Variants in ZNFX1 observed in about 807,000 individuals in gnomAD.
The protein encoded by ZNFX1 is NFX1-type zinc finger-containing protein 1.
In ZNFX1, 78 loss-of-function variants were observed where a neutral mutation model predicts 179.8. The observed-to-expected ratio is 0.43, with a 90% CI of 0.36 to 0.52. ZNFX1 has a LOEUF of 0.52. Among genes scored for constraint, ZNFX1 ranks in the 20% least tolerant of loss-of-function variants. The pLI is 0.00. For synonymous variants in ZNFX1, 848 were observed against 868.5 expected (o/e 0.98, Z 0.42); for missense variants, 1,927 against 2,386.6 (o/e 0.81, Z 4.01).
chr20:49,269,775 G>A (rs1336004709), intron 3 of ZNFX1, among the ~76,000 whole-genome samples, 167 bp downstream of exon 3: 1 of 17,134 alleles, frequency 5.8e-5, no homozygotes, highest in African/African-American at 1.1e-4. Context: ...CTGCAACATG[G>A]CAATTTACAC....
At chr20:49,251,168 C>T (rs1980827938) in intron 13 of ZNFX1, among the ~76,000 whole-genome samples, 1 of 151,746 alleles carries the variant, frequency 6.6e-6, no homozygotes, top group Non-Finnish European at 1.5e-5. Context: ...CAGGGAGTCT[C>T]TCTCCGCTGC....
chr20:49,259,131 T>A lies in ZNFX1; in HGVS notation c.2416+1332A>T, dbSNP rs866101593. On this transcript the variant is annotated intron_variant, in intron 7 of 13. Coordinates refer to ENST00000396105, the MANE Select transcript of ZNFX1 (RefSeq NM_021035.3). ...TCTCAAAAAAAAATAAATAAATAAA[T>A]AAATAAATAAAATAAATACACAATA... Among the ~76,000 whole-genome samples the A allele has an allele frequency of 4.4e-3, 599 of 135,682 alleles. 3 individuals carry two copies. Among genetic ancestry groups the A allele is most frequent in the South Asian group, 0.015 (64 of 4,298 alleles). The allele number at this position is 135,682 out of a possible 152,430, so 89.0% of individuals were successfully genotyped here. A position where few individuals can be genotyped will look rare whatever the true frequency, so the allele number is the denominator to read the frequency against.
At chr20:49,277,236 G>T (rs1981592095) in intron 1 of ZNFX1, among the ~76,000 whole-genome samples, 1 of 152,130 alleles carries the variant, frequency 6.6e-6, no homozygotes, top group Non-Finnish European at 1.5e-5. Context: ...GGCAGAGCTG[G>T]GTTTGGGGGA....
rs1390144007 is a variant in ZNFX1, at chr20:49,247,518, C to T, written c.5506G>A (p.Val1836Ile). 1.9e-6 allele frequency: 3 copies of T among 1,614,188 alleles called. No individual in the cohort carries two copies. The highest frequency in any genetic ancestry group is 1.7e-5 in the Admixed American group (1 of 60,022). ...GISEEERVQI[V>I]SAIGYPRGHW... is the part of the protein sequence containing the mutation. ...CCACGAGGATAACCTATGGCACTGA[C>T]AATCTGCACTCGCTCTTCCTCTGAG... is the stretch of plus-strand genomic sequence containing the variant. Residue 1836 changes from valine to isoleucine, a missense_variant, in exon 14 of 14, where the codon GTC becomes ATC. Val to Ile is a conservative substitution (Grantham distance 29). Transcript: ENST00000396105.
intron 9 of ZNFX1, 121 bp from the exon 10 acceptor site, chr20:49,254,770 A>G (rs1035907391): frequency 7.2e-6 from 8 of 1,118,764 alleles, no homozygotes; most frequent in Non-Finnish European, 1.0e-5. Context: ...AGTGACAAAC[A>G]GAGAGATACA....
In ZNFX1 at chr20:49,257,503, A is replaced by G. The variant is rs759556150; in HGVS notation, c.2578T>C (p.Leu860=). 3.1e-6 allele frequency: 5 copies of G among 1,613,300 alleles called. No homozygotes were observed. The highest frequency in any genetic ancestry group is 4.2e-6 in the Non-Finnish European group (5 of 1,179,814). The change falls in exon 8 of 14, where the codon TTG becomes CTG. Residue 860 remains leucine (L), a synonymous_variant. Coordinates refer to ENST00000396105, the MANE Select transcript of ZNFX1 (RefSeq NM_021035.3). ...KKEESGADQE[L]AKMLLAMRLD... is the part of the protein sequence containing the mutation. The stretch of plus-strand genomic sequence containing the variant: ...CTCATGGCCAGAAGCATTTTAGCCA[A>G]CTCCTGGTCTGCTCCACTCTCTTCC...
Position 49,257,335 on chromosome 20 carries a change from T to C in ZNFX1, c.2664+82A>G. ...TACTTAGCTAATTGTAATGGTGAAG[T>C]GAATATACTGTATCAGAAGTGGGGG... On this transcript the variant is annotated intron_variant, in intron 8 of 13. Transcript: ENST00000396105. The C allele has an allele frequency of 1.9e-6, 3 of 1,561,914 alleles. No individual in the cohort carries two copies. The South Asian group carries it at 3.6e-5, about 19-fold the overall frequency.
chr20:49,261,989 C>T (rs987640880), intron 6 of ZNFX1, among the ~76,000 whole-genome samples: 1 of 150,134 alleles, frequency 6.7e-6, no homozygotes, highest in South Asian at 2.1e-4. Context: ...TGCACACGTA[C>T]CCCTGAACTT....
rs1184619445 is a variant in ZNFX1 at position 49,270,307 on chromosome 20, G to A, written c.1505C>T (p.Ser502Phe). The A allele has an allele frequency of 1.2e-6, 2 of 1,614,108 alleles. No homozygotes were observed. The highest frequency in any genetic ancestry group is 1.7e-6 in the Non-Finnish European group (2 of 1,180,016). The change falls in exon 3 of 14, where the codon TCT (serine) becomes TTT (phenylalanine). Residue 502 changes from serine to phenylalanine, a missense_variant. Ser to Phe is a radical substitution (Grantham distance 155). Coordinates refer to ENST00000396105, the MANE Select transcript of ZNFX1 (RefSeq NM_021035.3). This position sits in a 1 kb window ranked among gnomAD's most constrained non-coding sequence, Gnocchi z 4.6. The stretch of plus-strand genomic sequence containing the variant: ...TGCAGTTGTCTCTACCATGAGGAAA[G>A]AGTCAGAGGGCTGGACCTCTGCTAG... ...QLLAEVQPSD[S>F]FLMVETTAYF...
chr20:49,271,422 G>A lies in ZNFX1; in HGVS notation c.390C>T (p.Pro130=), dbSNP rs1981393462. ...GTGGCTGTTCTGTAGGCTTCTGGTG[G>A]GGAGTCCGCCACTGCTGGAAGTTGT... ...SNDNFQQWRT[P]HQKPTEQPQQ... Residue 130 remains proline, a synonymous_variant, in exon 3 of 14, where the codon CCC becomes CCT. Transcript: ENST00000396105. 1.2e-6 allele frequency: 2 copies of A among 1,614,094 alleles called. No individual in the cohort carries two copies. Among genetic ancestry groups the A allele is most frequent in the Non-Finnish European group, 1.7e-6 (2 of 1,180,014 alleles).
rs181137609 is a variant in ZNFX1 at position 49,248,220 on chromosome 20, G to A, written c.4804C>T (p.Arg1602Cys). 211 of 1,614,126 alleles carry A rather than the reference G, an allele frequency of 1.3e-4. No individual in the cohort carries two copies. In the East Asian group the frequency reaches 3.4e-3, roughly 26 times the overall value. Residue 1602 changes from arginine to cysteine, a missense_variant, in exon 14 of 14, where the codon CGC (arginine) becomes TGC (cysteine). Coordinates refer to ENST00000396105, the MANE Select transcript of ZNFX1 (RefSeq NM_021035.3). The surrounding 1 kb of genome is among the most constrained non-coding windows in gnomAD (Gnocchi z 4.6). ...SHIFEVQALD[R>C]YMNEQKDDEV... Reference sequence around the variant, plus strand: ...TCATCCTTCTGTTCATTCATGTAGCGGTCTAGGGCTTGCACCTCAAAGATG... The same window carrying A: ...TCATCCTTCTGTTCATTCATGTAGCAGTCTAGGGCTTGCACCTCAAAGATG...
chr20:49,271,659 T>C lies in ZNFX1; in HGVS notation c.153A>G (p.Gly51=), dbSNP rs1981406372. The change falls in exon 3 of 14, where the codon GGA becomes GGG. Residue 51 remains glycine (G), a synonymous_variant. Transcript: ENST00000396105. The stretch of plus-strand genomic sequence containing the variant: ...GATGGTTGTTGGCCCTAGGATGCCT[T>C]CCAGGGTGGCTGGCTCCTCCTCGGA... ...NALRGGASHP[G]RHPRANNHPA... The C allele has an allele frequency of 1.2e-6, 2 of 1,613,946 alleles. No individual in the cohort carries two copies. The highest frequency in any genetic ancestry group is 2.2e-5 in the East Asian group (1 of 44,868).
chr20:49,259,020 C>T (rs988721451), intron 7 of ZNFX1, among the ~76,000 whole-genome samples: 5 of 146,402 alleles, frequency 3.4e-5, no homozygotes, highest in South Asian at 2.2e-4. Context: ...GAGAATTGCT[C>T]GAACCTAGGA....
chr20:49,258,803 C>A lies in ZNFX1; in HGVS notation c.2417-1139G>T, dbSNP rs1334265214. On this transcript the variant is annotated intron_variant, in intron 7 of 13. Coordinates refer to ENST00000396105, the MANE Select transcript of ZNFX1 (RefSeq NM_021035.3). ...CCTGGGCAACAGAGTGAGACTCCAT[C>A]TCAAAAATAAATAAATAAGGCTGGG... Among the ~76,000 whole-genome samples the A allele has an allele frequency of 2.8e-5, 4 of 142,018 alleles. No homozygotes were observed. In the Admixed American group the frequency reaches 2.9e-4, roughly 10 times the overall value. 93.2% of individuals were successfully genotyped at this position (142,018 alleles called of 152,430 possible).
intron 10 of ZNFX1, 113 bp downstream of exon 10, chr20:49,254,382 T>C: frequency 7.3e-7 from 1 of 1,367,924 alleles, no homozygotes; most frequent in Non-Finnish European, 1.0e-6. Context: ...CAGTAGCTTT[T>C]CATGGTATTT....
rs932246163 is a variant in ZNFX1, at chr20:49,254,653, G to A, written c.2805-4C>T. On this transcript the variant is annotated splice_region_variant and splice_polypyrimidine_tract_variant and intron_variant, in intron 9 of 13. Coordinates refer to ENST00000396105, the MANE Select transcript of ZNFX1 (RefSeq NM_021035.3). ...CTGGTACAACTGTAGCCAGAGCCTG[G>A]AGAATGGGAAGAACCAAGGAAAGAA... 22 of 1,612,680 alleles carry A rather than the reference G, an allele frequency of 1.4e-5. No individual in the cohort carries two copies. The highest frequency in any genetic ancestry group is 1.7e-5 in the Non-Finnish European group (20 of 1,179,316).
chr20:49,249,097 A>AT lies in ZNFX1; in HGVS notation c.3926dup (p.Tyr1309Ter). 3 of 1,614,250 alleles carry AT rather than the reference A, an allele frequency of 1.9e-6. No homozygotes were observed. Among genetic ancestry groups the AT allele is most frequent in the African/African-American group, 1.3e-5 (1 of 75,070 alleles). The change falls in exon 14 of 14, where the codon TAT becomes TAAT. Residue 1309 changes from tyrosine to a stop codon, truncating the protein, a stop_gained and frameshift_variant. Transcript: ENST00000396105. LOFTEE classifies it high-confidence loss of function. Reference protein sequence around the residue: ...GHVCTRACHPYDSSHKEFQCM... With the variant: ...GHVCTRACHP The stretch of plus-strand genomic sequence containing the variant: ...ATTGGAACTCCTTGTGTGAAGAGTC[A>AT]TAAGGGTGGCAGGCACGGGTGCAGA...
At chr20:49,266,579 A>T (rs6019718) in intron 3 of ZNFX1, among the ~76,000 whole-genome samples, 122 of 137,666 alleles carry the variant, frequency 8.9e-4, no homozygotes, top group African/African-American at 2.9e-3. Flanking sequence ...GTAACAGACA[A>T]TTTTTACCAT....
rs1464458569 is a variant in ZNFX1, at chr20:49,251,619, G to C, written c.3220C>G (p.Arg1074Gly). 1 of 1,607,078 alleles carries C rather than the reference G, an allele frequency of 6.2e-7. No homozygotes were observed. Among genetic ancestry groups the C allele is most frequent in the Non-Finnish European group, 8.5e-7 (1 of 1,177,234 alleles). ...AGGCGGGCAATTTCAGGGCACATACGGTGCTGAAAAAACACATGCATGTCA... is the reference window on the plus strand; with the variant it reads ...AGGCGGGCAATTTCAGGGCACATACCGTGCTGAAAAAACACATGCATGTCA... The part of the protein sequence containing the change: ...IPFVRLNYQH[R>G]MCPEIARLLT... The change falls in exon 13 of 14, where the codon CGT becomes GGT. Residue 1074 changes from arginine to glycine, a missense_variant. Arg to Gly is a moderately radical substitution (Grantham distance 125). Transcript: ENST00000396105.
Sources: allele counts gnomAD v4.1 joint callset (sites outside exome capture counted in the v4.1 genomes callset), GRCh38; gene constraint gnomAD v4.1.1; non-coding constraint Gnocchi (gnomAD v3.1); transcripts MANE v1.5; gene names NCBI Gene and HGNC (gene_info 2026-07-23, HGNC 2026-07-21).